GRHPR: variants seen among roughly 807,000 people sequenced by gnomAD.
GRHPR encodes glyoxylate and hydroxypyruvate reductase, also known as glyoxylate reductase/hydroxypyruvate reductase.
Under a neutral mutation model 36.8 loss-of-function variants are expected in GRHPR, and 35 were observed. The observed-to-expected ratio is 0.95, with a 90% CI of 0.73 to 1.26. GRHPR has a LOEUF of 1.26. Among genes scored for constraint, GRHPR ranks in the 50% most tolerant of loss-of-function variants. GRHPR has a pLI of 0.00. For missense variants in GRHPR, 380 were observed against 435.0 expected (o/e 0.87, Z 1.12); for synonymous variants, 179 against 181.0 (o/e 0.99, Z 0.09).
intron 7 of GRHPR, 26 bp from the exon 8 acceptor site, chr9:37,431,982 A>T (rs764497152): frequency 6.2e-7 from 1 of 1,613,392 alleles, no homozygotes; most frequent in Non-Finnish European, 8.5e-7. Context: ...TCTTCGGGGT[A>T]CCCATGTCAC....
chr9:37,436,643 T>C lies in GRHPR; in HGVS notation c.866-18T>C, dbSNP rs779756981. The C allele has an allele frequency of 6.2e-7, 1 of 1,613,492 alleles. No homozygotes were observed. Among genetic ancestry groups the C allele is most frequent in the Non-Finnish European group, 8.5e-7 (1 of 1,179,654 alleles). On this transcript the variant is annotated intron_variant, in intron 8 of 8. Coordinates refer to ENST00000318158, the MANE Select transcript of GRHPR (RefSeq NM_012203.2). ...ACCACCCTTCTTATCTCCCTCTCTC[T>C]CTCTCTCTCCTTTCCAGTGATTCTG...
At chr9:37,435,187 G>T (rs961818205) in intron 8 of GRHPR, among the ~76,000 whole-genome samples, 2 of 152,196 alleles carry the variant, frequency 1.3e-5, no homozygotes, top group Non-Finnish European at 2.9e-5. Context: ...GGAGGTTGAG[G>T]CTGTAGTAAG....
At chr9:37,430,922 C>A (rs1170046849) in intron 7 of GRHPR, 1 of 571,234 alleles carries the variant, frequency 1.8e-6, no homozygotes, top group South Asian at 1.5e-5. Flanking sequence ...GGGAGTGTTC[C>A]CAGGGAGCCT....
chr9:37,437,287 A>G (rs868173383), downstream of GRHPR, among the ~76,000 whole-genome samples: 3 of 152,144 alleles, frequency 2.0e-5, no homozygotes, highest in Non-Finnish European at 4.4e-5. Context: ...TACAAAGAGC[A>G]TGTTTCAAAG....
chr9:37,436,925 C>T lies in GRHPR; in HGVS notation c.*143C>T. 1 of 901,498 alleles carries T rather than the reference C, an allele frequency of 1.1e-6. No individual in the cohort carries two copies. Among genetic ancestry groups the T allele is most frequent in the Non-Finnish European group, 1.8e-6 (1 of 548,384 alleles). The allele number at this position is 901,498 out of a possible 1,614,324, so 55.8% of individuals were successfully genotyped here. ...GAGTGATTCTGATATATGTACTTGT[C>T]ACATTGGTGTTGGACACATTTGCGC... On this transcript the variant is annotated 3_prime_UTR_variant, in exon 9 of 9. Coordinates refer to ENST00000318158, the MANE Select transcript of GRHPR (RefSeq NM_012203.2).
In GRHPR at chr9:37,426,503, G is replaced by T. The variant is rs200997495; in HGVS notation, c.288-35G>T. The T allele has an allele frequency of 1.8e-5, 23 of 1,287,944 alleles. No individual in the cohort carries two copies. The East Asian group carries it at 5.3e-4, about 30-fold the overall frequency. The allele number at this position is 1,287,944 out of a possible 1,614,324, so 79.8% of individuals were successfully genotyped here. On this transcript the variant is annotated intron_variant, in intron 3 of 8. Coordinates refer to ENST00000318158, the MANE Select transcript of GRHPR (RefSeq NM_012203.2). ...GCAGTAGACATTGGTAAATATGGTT[G>T]AGGCTGATGTTACCACCAGATGTCT...
downstream of GRHPR, chr9:37,438,324 AGGAACCCTGGGACTGGTTTTCCAG>A (rs1750634102): frequency 6.6e-6 from 1 of 152,648 alleles, no homozygotes; most frequent in Admixed American, 6.5e-5. Context: ...TACAGATCAT[AGGAACCCTGGGACTGGTTTTCCAG>A]GGAACCCTGG....
At chr9:37,434,545 A>G in intron 8 of GRHPR, 1 of 344,664 alleles carries the variant, frequency 2.9e-6, no homozygotes, top group Non-Finnish European at 5.6e-6. Context: ...AGCAGCTCCC[A>G]CTGAGGCCAC....
chr9:37,430,499 G>A lies in GRHPR; in HGVS notation c.599-12G>A. The A allele has an allele frequency of 6.2e-7, 1 of 1,612,950 alleles. No individual in the cohort carries two copies. Among genetic ancestry groups the A allele is most frequent in the Non-Finnish European group, 8.5e-7 (1 of 1,178,962 alleles). ...GGGACTCAGTGCCTGATGGAGTCCT[G>A]CCCTCCCTCAGTGTCTACCCCTGAG... On this transcript the variant is annotated splice_polypyrimidine_tract_variant and intron_variant, in intron 6 of 8. Transcript: ENST00000318158.
downstream of GRHPR, chr9:37,439,049 ATGATGGTT>A (rs1406750973): frequency 1.3e-5 from 2 of 152,392 alleles, no homozygotes; most frequent in Admixed American, 1.3e-4. Flanking sequence ...TGATTTATGA[ATGATGGTT>A]TGGTATGTCT....
chr9:37,431,539 T>C (rs192446172), intron 7 of GRHPR: 17 of 242,152 alleles, frequency 7.0e-5, no homozygotes, highest in African/African-American at 1.6e-4. Flanking sequence ...AGGGGTGTGC[T>C]CGTTCCTCTG....
intron 1 of GRHPR, among the ~76,000 whole-genome samples, chr9:37,423,559 C>T (rs564239671): frequency 2.6e-5 from 4 of 152,132 alleles, no homozygotes; most frequent in Non-Finnish European, 4.4e-5. Flanking sequence ...GCAGCCTCAA[C>T]CTCCTGGACT....
intron 7 of GRHPR, 176 bp downstream of exon 7, chr9:37,430,822 G>T: frequency 1.4e-6 from 1 of 710,798 alleles, no homozygotes; most frequent in Non-Finnish European, 2.6e-6. Flanking sequence ...TCCGTACAGG[G>T]AAGAAGAGCC....
At chr9:37,430,958 A>T (rs1045980370) in intron 7 of GRHPR, 3 of 515,522 alleles carry the variant, frequency 5.8e-6, no homozygotes, top group African/African-American at 1.9e-5. Context: ...CCTCCACCAC[A>T]AAGGGCTGGA....
Position 37,431,027 on chromosome 9 carries a change from T to C in GRHPR, c.734+381T>C, listed in dbSNP as rs542883065. ...TCCCACACTGCTGAGCCTGGCTTTG[T>C]CTGGCTGTGGTTCAGTGATACTTTG... is the stretch of plus-strand genomic sequence containing the variant. On this transcript the variant is annotated intron_variant, in intron 7 of 8. Coordinates refer to ENST00000318158, the MANE Select transcript of GRHPR (RefSeq NM_012203.2). 78 of 478,438 alleles carry C rather than the reference T, an allele frequency of 1.6e-4. 1 individual carries two copies. Among genetic ancestry groups the C allele is most frequent in the South Asian group, 1.2e-3 (76 of 64,620 alleles). 29.6% of individuals were successfully genotyped at this position (478,438 alleles called of 1,614,324 possible). A position where few individuals can be genotyped will look rare whatever the true frequency, so the allele number is the denominator to read the frequency against.
chr9:37,431,986 A>G (rs959009520), intron 7 of GRHPR, 22 bp from the exon 8 acceptor site: 5 of 1,613,644 alleles, frequency 3.1e-6, no homozygotes, highest in Non-Finnish European at 4.2e-6. Flanking sequence ...CGGGGTACCC[A>G]TGTCACCACT....
chr9:37,422,730 G>A lies in GRHPR; in HGVS notation c.-21G>A, dbSNP rs577436763. 6.4e-7 allele frequency: 1 copy of A among 1,554,384 alleles called. No individual in the cohort carries two copies. The highest frequency in any genetic ancestry group is 8.7e-7 in the Non-Finnish European group (1 of 1,146,470). On this transcript the variant is annotated 5_prime_UTR_variant, in exon 1 of 9. Transcript: ENST00000318158. ...GGCCAGCTTCTGTACTGCCAGGTCC[G>A]GGTCGGCGGCTGCACTGCGGATGAG...
intron 4 of GRHPR, among the ~76,000 whole-genome samples, chr9:37,427,370 G>T (rs1444916032): frequency 6.6e-6 from 1 of 152,196 alleles, no homozygotes; most frequent in African/African-American, 2.4e-5. Flanking sequence ...CATTTAATGT[G>T]ACTTTCCTAA....
chr9:37,422,716 G>C lies in GRHPR; in HGVS notation c.-35G>C, dbSNP rs1448747134. ...CAGCTACATTCCCGGGCCAGCTTCT[G>C]TACTGCCAGGTCCGGGTCGGCGGCT... is the stretch of plus-strand genomic sequence containing the variant. On this transcript the variant is annotated 5_prime_UTR_variant, in exon 1 of 9. Coordinates refer to ENST00000318158, the MANE Select transcript of GRHPR (RefSeq NM_012203.2). The C allele has an allele frequency of 6.6e-7, 1 of 1,505,360 alleles. No homozygotes were observed. Among genetic ancestry groups the C allele is most frequent in the Non-Finnish European group, 9.1e-7 (1 of 1,103,760 alleles). 93.3% of individuals were successfully genotyped at this position (1,505,360 alleles called of 1,614,324 possible).
Sources: allele counts gnomAD v4.1 joint callset (sites outside exome capture counted in the v4.1 genomes callset), GRCh38; gene constraint gnomAD v4.1.1; transcripts MANE v1.5; gene names NCBI Gene and HGNC (gene_info 2026-07-23, HGNC 2026-07-21).